SNRNP40: variants seen among roughly 807,000 people sequenced by gnomAD.
SNRNP40 encodes U5 small nuclear ribonucleoprotein 40 kDa protein.
In SNRNP40, 21 loss-of-function variants were observed where a neutral mutation model predicts 45.8. The observed-to-expected ratio is 0.46, with a 90% CI of 0.32 to 0.66. The LOEUF (loss-of-function observed/expected upper bound fraction) is 0.66, where lower values mean the gene tolerates loss of function less well. Ranked by LOEUF, SNRNP40 falls within the 30% of genes least tolerant of loss-of-function variation. The probability of loss-of-function intolerance (pLI) is 0.03; values close to 1 mark genes in which losing one functional copy is unlikely to be tolerated. For missense variants in SNRNP40, 344 were observed against 439.1 expected, an observed-to-expected ratio of 0.78 and a Z score of 1.94; for synonymous variants, 142 against 163.8, an observed-to-expected ratio of 0.87 and a Z score of 1.01.
intron 4 of SNRNP40, 172 bp from the exon 5 acceptor site, chr1:31,281,668 A>C: frequency 2.1e-6 from 1 of 479,420 alleles, no homozygotes; most frequent in Non-Finnish European, 3.5e-6. Flanking sequence ...CAGTGTGCTC[A>C]ATTTTGCCAA....
intron 5 of SNRNP40, 129 bp from the exon 6 acceptor site, chr1:31,271,628 C>G (rs1017477747): frequency 4.3e-6 from 4 of 919,774 alleles, no homozygotes; most frequent in African/African-American, 1.7e-5. Context: ...GGATTTCTGT[C>G]AAAGAGAAAA....
intron 4 of SNRNP40, among the ~76,000 whole-genome samples, chr1:31,287,737 C>T (rs1165590975): frequency 6.6e-6 from 1 of 152,188 alleles, no homozygotes; most frequent in Non-Finnish European, 1.5e-5. Flanking sequence ...TGGTGGCTCA[C>T]GCCTGTAATC....
At chr1:31,292,924 A>T in intron 2 of SNRNP40, 1 of 391,464 alleles carries the variant, frequency 2.6e-6, no homozygotes, top group Non-Finnish European at 4.7e-6. Context: ...TTATGTCTAG[A>T]TTGCTAAGTG....
chr1:31,271,504 A>G lies in SNRNP40; in HGVS notation c.655-5T>C. ...GTTCTGGCGCAGGTCCCAGACCTGC[A>G]AAAACAGAAAGGTGCCCCCAGAAAT... On this transcript the variant is annotated splice_polypyrimidine_tract_variant and splice_region_variant and intron_variant, in intron 5 of 9. Coordinates refer to ENST00000263694, the MANE Select transcript of SNRNP40 (RefSeq NM_004814.3). The G allele has an allele frequency of 6.3e-7, 1 of 1,596,406 alleles. No homozygotes were observed. Among genetic ancestry groups the G allele is most frequent in the Non-Finnish European group, 8.5e-7 (1 of 1,175,464 alleles).
chr1:31,285,465 CCGACCTCAAG>C (rs1387616850), intron 4 of SNRNP40, among the ~76,000 whole-genome samples: 11 of 152,058 alleles, frequency 7.2e-5, no homozygotes, highest in African/African-American at 2.4e-4. Context: ...TTTCAAACTC[CCGACCTCAAG>C]TGATCCACCT....
At chr1:31,262,221 A>G (rs1645863504) in intron 8 of SNRNP40, among the ~76,000 whole-genome samples, 2 of 152,172 alleles carry the variant, frequency 1.3e-5, no homozygotes, top group South Asian at 4.1e-4. Flanking sequence ...AGGGGCCAAG[A>G]GAAATCAGCT....
At chr1:31,262,513 T>C (rs1569630111) in intron 8 of SNRNP40, among the ~76,000 whole-genome samples, 1 of 76,014 alleles carries the variant, frequency 1.3e-5, no homozygotes, top group African/African-American at 5.7e-5. Context: ...AGAGTGAGAC[T>C]CCATCTCCAA....
intron 9 of SNRNP40, among the ~76,000 whole-genome samples, chr1:31,260,355 C>T (rs1645849856): frequency 6.6e-6 from 1 of 152,078 alleles, no homozygotes; most frequent in South Asian, 2.1e-4. Flanking sequence ...TAAATACTGA[C>T]ATCCCTTGTC....
intron 4 of SNRNP40, chr1:31,282,612 T>TATC: frequency 6.8e-6 from 1 of 148,038 alleles, no homozygotes; most frequent in South Asian, 2.1e-4. Flanking sequence ...TCTATCTATC[T>TATC]ATCTTTCTAT....
chr1:31,281,553 A>C, intron 4 of SNRNP40, 57 bp from the exon 5 acceptor site: 5 of 1,526,750 alleles, frequency 3.3e-6, no homozygotes, highest in Non-Finnish European at 3.6e-6. Context: ...GCAATTGCAC[A>C]GTACAAATAT....
intron 5 of SNRNP40, among the ~76,000 whole-genome samples, chr1:31,275,041 C>G (rs1645965515): frequency 6.6e-6 from 1 of 152,046 alleles, no homozygotes; most frequent in Admixed American, 6.5e-5. Flanking sequence ...TGGTAAGCCT[C>G]TAGGTGCTTA....
At position 31,291,143 on chromosome 1, in the gene SNRNP40, C is replaced by T. The variant is rs529687898; in HGVS notation, c.365+770G>A. On this transcript the variant is annotated intron_variant, in intron 3 of 9. Coordinates refer to ENST00000263694, the MANE Select transcript of SNRNP40 (RefSeq NM_004814.3). ...GTCTCTACAAAAAATACAAAATTAG[C>T]CAGGCACGGTGATGCATCCCTGTAA... 3.3e-5 allele frequency among the ~76,000 whole-genome samples: 5 copies of T among 151,900 alleles called. No individual in the cohort carries two copies. In the South Asian group the frequency reaches 8.3e-4, roughly 25 times the overall value.
intron 8 of SNRNP40, among the ~76,000 whole-genome samples, chr1:31,265,418 T>A (rs944806500): frequency 1.3e-5 from 2 of 151,832 alleles, no homozygotes; most frequent in Admixed American, 6.6e-5. Context: ...GTGTGCACCA[T>A]TGACCACATG....
chr1:31,274,526 T>C (rs933609867), intron 5 of SNRNP40, among the ~76,000 whole-genome samples: 4 of 151,450 alleles, frequency 2.6e-5, no homozygotes, highest in Non-Finnish European at 5.9e-5. Context: ...CAGGCTTGAG[T>C]CACCGCGCCT....
At chr1:31,274,072 G>C (rs894163832) in intron 5 of SNRNP40, among the ~76,000 whole-genome samples, 1 of 152,086 alleles carries the variant, frequency 6.6e-6, no homozygotes, top group Admixed American at 6.5e-5. Flanking sequence ...AGGAGATTAG[G>C]CACCCAGAGG....
chr1:31,289,968 T>C (rs997247833), intron 3 of SNRNP40, among the ~76,000 whole-genome samples: 1 of 152,126 alleles, frequency 6.6e-6, no homozygotes. Context: ...CAAGTGATCC[T>C]CCCACCTCAG....
At chr1:31,290,011 C>T (rs1268937427) in intron 3 of SNRNP40, among the ~76,000 whole-genome samples, 1 of 152,046 alleles carries the variant, frequency 6.6e-6, no homozygotes, top group Non-Finnish European at 1.5e-5. Context: ...AGGTCTGTGC[C>T]ACCATGCTCA....
At chr1:31,290,813 G>A (rs1308503790) in intron 3 of SNRNP40, among the ~76,000 whole-genome samples, 8 of 152,008 alleles carry the variant, frequency 5.3e-5, no homozygotes, top group Admixed American at 5.2e-4. Context: ...CGGAGACGGA[G>A]CTTGCAGTGA....
At chr1:31,275,757 C>T (rs879334730) in intron 5 of SNRNP40, among the ~76,000 whole-genome samples, 5 of 152,152 alleles carry the variant, frequency 3.3e-5, no homozygotes, top group Non-Finnish European at 4.4e-5. Context: ...ATACAACTCT[C>T]TCCAGTCCAT....
Sources: gnomAD v4.1 joint callset for allele counts (sites outside exome capture counted in the v4.1 genomes callset) on GRCh38, gnomAD v4.1.1 for gene constraint, MANE v1.5 for transcripts, NCBI Gene and HGNC (gene_info 2026-07-23, HGNC 2026-07-21) for gene names.